Variants in GABBR1 observed in about 807,000 individuals in gnomAD.
GABBR1 encodes gamma-aminobutyric acid type B receptor subunit 1, also known as GABA-B receptor, R1 subunit.
GABBR1 carries 35 observed loss-of-function variants against 117.7 expected under a neutral mutation model. The observed-to-expected ratio is 0.30, with a 90% confidence interval of 0.23 to 0.39. The LOEUF is 0.39. Ranked by LOEUF, GABBR1 falls within the 10% of genes least tolerant of loss-of-function variation. GABBR1 has a pLI of 1.00. For synonymous variants in GABBR1, 442 were observed against 486.6 expected, an observed-to-expected ratio of 0.91 and a Z score of 1.21; for missense variants, 709 against 1,241.8, an observed-to-expected ratio of 0.57 and a Z score of 6.45.
At position 29,632,003 on chromosome 6, in the gene GABBR1, A is replaced by C. The variant is rs1215967713; in HGVS notation, c.85+298T>G. On this transcript the variant is annotated intron_variant, in intron 2 of 22. Coordinates refer to ENST00000377034, the MANE Select transcript of GABBR1 (RefSeq NM_001470.4). The surrounding 1 kb of genome is among the most constrained non-coding windows in gnomAD (Gnocchi z 5.8). The stretch of plus-strand genomic sequence containing the variant: ...AAGATCATCTGGACAGCAAAGTGGG[A>C]CCAAGAAAAGGGAGTAATTGAGGTA... Among the ~76,000 whole-genome samples, 1 of 152,050 alleles carries C rather than the reference A, an allele frequency of 6.6e-6. No individual in the cohort carries two copies. The highest frequency in any genetic ancestry group is 1.5e-5 in the Non-Finnish European group (1 of 68,018).
intron 11 of GABBR1, among the ~76,000 whole-genome samples, chr6:29,614,817 C>T (rs1762900357): frequency 6.6e-6 from 1 of 152,024 alleles, no homozygotes; most frequent in South Asian, 2.1e-4. Context: ...CTAATGTAAA[C>T]TATGGACTTT....
Position 29,608,714 on chromosome 6 carries a change from G to A in GABBR1, c.1879C>T (p.Pro627Ser). The A allele has an allele frequency of 6.2e-7, 1 of 1,613,064 alleles. No homozygotes were observed. Among genetic ancestry groups the A allele is most frequent in the East Asian group, 2.2e-5 (1 of 44,882 alleles). ...ACAGCAGTCAGGTTGTTCAGGTTGGGCTGTGAGTTCTGGATATAACTAGGG... is the reference window on the plus strand; with the variant it reads ...ACAGCAGTCAGGTTGTTCAGGTTGGACTGTGAGTTCTGGATATAACTAGGG... ...SHVRYIQNSQ[P>S]NLNNLTAVGC... The change falls in exon 16 of 23, where the codon CCC (proline) becomes TCC (serine). Residue 627 changes from proline to serine, a missense_variant. By Grantham distance (74) the Pro-to-Ser change is moderately conservative (BLOSUM62 -1). Around this residue, in one of 9 missense-constraint regions of GABBR1, gnomAD observed 251 missense variants for 445.3 expected, o/e 0.56. Coordinates refer to ENST00000377034, the MANE Select transcript of GABBR1 (RefSeq NM_001470.4).
intron 11 of GABBR1, among the ~76,000 whole-genome samples, chr6:29,614,435 GATGA>G (rs1355361591): frequency 1.3e-5 from 2 of 152,212 alleles, no homozygotes; most frequent in South Asian, 4.1e-4. Context: ...AGAATAAATA[GATGA>G]ATGAAGAATA....
Position 29,623,252 on chromosome 6 carries a change from G to A in GABBR1, c.963+53C>T. 6.6e-7 allele frequency: 1 copy of A among 1,519,426 alleles called. No individual in the cohort carries two copies. The highest frequency in any genetic ancestry group is 9.0e-7 in the Non-Finnish European group (1 of 1,110,172). 94.1% of individuals were successfully genotyped at this position (1,519,426 alleles called of 1,614,324 possible). On this transcript the variant is annotated intron_variant, in intron 8 of 22. Transcript: ENST00000377034. This position sits in a 1 kb window ranked among gnomAD's most constrained non-coding sequence, Gnocchi z 6.2. ...AAGTGACTCTCACGTCACATCTCCT[G>A]GTGCTGGAATTTGAGCTTATGTCCC... is the stretch of plus-strand genomic sequence containing the variant.
chr6:29,627,260 G>T lies in GABBR1; in HGVS notation c.657+226C>A, dbSNP rs1326728205. Among the ~76,000 whole-genome samples the T allele has an allele frequency of 6.6e-6, 1 of 152,154 alleles. No individual in the cohort carries two copies. The highest frequency in any genetic ancestry group is 6.5e-5 in the Admixed American group (1 of 15,278). On this transcript the variant is annotated intron_variant, in intron 6 of 22. Coordinates refer to ENST00000377034, the MANE Select transcript of GABBR1 (RefSeq NM_001470.4). This position sits in a 1 kb window ranked among gnomAD's most constrained non-coding sequence, Gnocchi z 4.4. ...GCAGCGGGGCAGAAGGGTCTGCCTT[G>T]CAGCATGCTTAACCATCTTGAGCCC...
In GABBR1 at chr6:29,611,228, T is replaced by C; in HGVS notation, c.1631-227A>G. The stretch of plus-strand genomic sequence containing the variant: ...CAACTCAAATAAATAAGAATATCTA[T>C]GTTTAAAAGTCTTCAGTGAGGAGGC... On this transcript the variant is annotated intron_variant, in intron 13 of 22. Transcript: ENST00000377034. This position sits in a 1 kb window ranked among gnomAD's most constrained non-coding sequence, Gnocchi z 4.6. 2.1e-6 allele frequency: 1 copy of C among 472,376 alleles called. No homozygotes were observed. Among genetic ancestry groups the C allele is most frequent in the Non-Finnish European group, 3.8e-6 (1 of 265,734 alleles). The allele number at this position is 472,376 out of a possible 1,614,324, so 29.3% of individuals were successfully genotyped here.
chr6:29,629,006 G>A, intron 5 of GABBR1, 81 bp downstream of exon 5: 1 of 1,549,080 alleles, frequency 6.5e-7, no homozygotes, highest in Non-Finnish European at 8.9e-7. Context: ...CGTAGCCTAA[G>A]GGCAGAATTT....
chr6:29,619,645 T>C (rs1181725280), intron 11 of GABBR1, among the ~76,000 whole-genome samples: 1 of 151,506 alleles, frequency 6.6e-6, no homozygotes, highest in African/African-American at 2.4e-5. Context: ...TGTGAGCCAC[T>C]AGATCCAGCC....
chr6:29,624,512 C>T (rs1764075003), intron 6 of GABBR1, among the ~76,000 whole-genome samples: 1 of 152,116 alleles, frequency 6.6e-6, no homozygotes, highest in Non-Finnish European at 1.5e-5. Context: ...TGTTTCCTCC[C>T]TCTTCTCTTT....
rs1007913704 is a variant in GABBR1 at position 29,605,073 on chromosome 6, T to C, written c.2440-85A>G. 16 of 1,362,818 alleles carry C rather than the reference T, an allele frequency of 1.2e-5. No individual in the cohort carries two copies. In the South Asian group the frequency reaches 1.3e-4, roughly 11 times the overall value. The allele number at this position is 1,362,818 out of a possible 1,614,324, so 84.4% of individuals were successfully genotyped here. A position where few individuals can be genotyped will look rare whatever the true frequency, so the allele number is the denominator to read the frequency against. ...TTTACTTCCCATGGGAGGGAGTCTATGCAGACAGTTTCCTGGTGAACTTTC... is the reference window on the plus strand; with the variant it reads ...TTTACTTCCCATGGGAGGGAGTCTACGCAGACAGTTTCCTGGTGAACTTTC... On this transcript the variant is annotated intron_variant, in intron 20 of 22. Transcript: ENST00000377034. The surrounding 1 kb of genome is among the most constrained non-coding windows in gnomAD (Gnocchi z 4.2).
rs566213170 is a variant in GABBR1, at chr6:29,602,697, G to C, written c.*846C>G. Reference sequence around the variant, plus strand: ...AAGAAAGTACACAAGGTACATGGAGGGTACACAGGGAAAGTACATGGATAA... The same window carrying C: ...AAGAAAGTACACAAGGTACATGGAGCGTACACAGGGAAAGTACATGGATAA... On this transcript the variant is annotated 3_prime_UTR_variant, in exon 23 of 23. Coordinates refer to ENST00000377034, the MANE Select transcript of GABBR1 (RefSeq NM_001470.4). 9.4e-6 allele frequency: 3 copies of C among 320,768 alleles called. No individual in the cohort carries two copies. Among genetic ancestry groups the C allele is most frequent in the Non-Finnish European group, 1.8e-5 (3 of 166,118 alleles). 19.9% of individuals were successfully genotyped at this position (320,768 alleles called of 1,614,324 possible).
At chr6:29,629,337 G>A (rs1308048882) in intron 4 of GABBR1, 81 of 675,342 alleles carry the variant, frequency 1.2e-4, no homozygotes, top group Non-Finnish European at 2.7e-5. Flanking sequence ...AATTTGAGAC[G>A]GGAATGCCAA....
intron 11 of GABBR1, among the ~76,000 whole-genome samples, chr6:29,617,078 T>G (rs558950765): frequency 6.6e-6 from 1 of 151,812 alleles, no homozygotes; most frequent in South Asian, 2.1e-4. Flanking sequence ...TCAAACAAGT[T>G]ATTAAACCTC....
rs772364980 is a variant in GABBR1, at chr6:29,605,727, A to T, written c.2312-31T>A. On this transcript the variant is annotated intron_variant, in intron 19 of 22. Coordinates refer to ENST00000377034, the MANE Select transcript of GABBR1 (RefSeq NM_001470.4). This position sits in a 1 kb window ranked among gnomAD's most constrained non-coding sequence, Gnocchi z 4.2. The stretch of plus-strand genomic sequence containing the variant: ...ATGGCAGGAGAGAGTCACTTGAGCA[A>T]CAAGGACCACAATGCTCCTCACTCA... 1 of 1,605,962 alleles carries T rather than the reference A, an allele frequency of 6.2e-7. No homozygotes were observed. The highest frequency in any genetic ancestry group is 2.2e-5 in the East Asian group (1 of 44,876).
intron 16 of GABBR1, 141 bp downstream of exon 16, chr6:29,608,460 G>C (rs1277119768): frequency 3.7e-6 from 3 of 814,406 alleles, no homozygotes; most frequent in Non-Finnish European, 3.9e-6. Context: ...AGAACAGAGG[G>C]GTGATGCTAG....
In GABBR1 at chr6:29,602,937, G is replaced by C; in HGVS notation, c.*606C>G. ...GCATGTTCAGTGGGCACACGCAGGA[G>C]AGGGGAGGATGCATGTGTGCTGAGC... On this transcript the variant is annotated 3_prime_UTR_variant, in exon 23 of 23. Coordinates refer to ENST00000377034, the MANE Select transcript of GABBR1 (RefSeq NM_001470.4). The C allele has an allele frequency of 1.1e-5, 5 of 449,874 alleles. No homozygotes were observed. The highest frequency in any genetic ancestry group is 7.9e-5 in the South Asian group (5 of 63,392). 27.9% of individuals were successfully genotyped at this position (449,874 alleles called of 1,614,324 possible).
At position 29,621,860 on chromosome 6, in the gene GABBR1, T is replaced by A; in HGVS notation, c.1066-43A>T. On this transcript the variant is annotated intron_variant, in intron 9 of 22. Coordinates refer to ENST00000377034, the MANE Select transcript of GABBR1 (RefSeq NM_001470.4). The surrounding 1 kb of genome is among the most constrained non-coding windows in gnomAD (Gnocchi z 5.0). ...ACAGCTCCTGAGGGATGCCCGGGAA[T>A]GCCTGAGGGGCTAAGCCAGATGTCT... The A allele has an allele frequency of 6.3e-7, 1 of 1,598,090 alleles. No homozygotes were observed. The highest frequency in any genetic ancestry group is 8.6e-7 in the Non-Finnish European group (1 of 1,165,624).
intron 11 of GABBR1, among the ~76,000 whole-genome samples, chr6:29,618,244 G>A (rs140392510): frequency 1.2e-3 from 190 of 152,296 alleles, no homozygotes; most frequent in African/African-American, 4.0e-3. Flanking sequence ...TGCTCAGCAC[G>A]ATGCGGTCCC....
chr6:29,628,209 C>A, intron 5 of GABBR1: 1 of 946,460 alleles, frequency 1.1e-6, no homozygotes. Context: ...GGGGATGCAA[C>A]CTCGAGGAGG....
Sources: allele counts gnomAD v4.1 joint callset (sites outside exome capture counted in the v4.1 genomes callset), GRCh38; gene constraint gnomAD v4.1.1; regional missense constraint gnomAD v4.1.1; non-coding constraint Gnocchi (gnomAD v3.1); transcripts MANE v1.5; gene names NCBI Gene and HGNC (gene_info 2026-07-23, HGNC 2026-07-21).